Variants in PAM observed in about 807,000 individuals in gnomAD.
The protein encoded by PAM is peptidyl-glycine alpha-amidating monooxygenase.
A neutral mutation model predicts 122.1 loss-of-function variants in PAM; 72 were observed. The ratio of observed to expected loss-of-function variants is 0.59; its 90% CI spans 0.49 to 0.72. The LOEUF is 0.72. Among genes scored for constraint, PAM ranks in the 30% least tolerant of loss-of-function variants. The probability of loss-of-function intolerance (pLI) is 0.00; values close to 1 mark genes in which losing one functional copy is unlikely to be tolerated. For missense variants in PAM, 1,106 were observed against 1,183.7 expected (o/e 0.93, Z 0.96); for synonymous variants, 389 against 404.4 (o/e 0.96, Z 0.46).
Position 102,838,248 on chromosome 5 carries a change from T to C in PAM, c.-373-27575T>C, listed in dbSNP as rs116128245. 2.1e-3 allele frequency: 315 copies of C among 152,280 alleles called. 1 individual carries two copies. Among genetic ancestry groups the C allele is most frequent in the African/African-American group, 7.1e-3 (297 of 41,578 alleles). 9.4% of individuals were successfully genotyped at this position (152,280 alleles called of 1,614,324 possible). A position where few individuals can be genotyped will look rare whatever the true frequency, so the allele number is the denominator to read the frequency against. ...TCTTTTAAGTCTGCATGTGATTTCA[T>C]CATTTTTAATAATACCAATCTTAAA... On this transcript the variant is annotated intron_variant, in intron 1 of 25. Transcript: ENST00000438793.
chr5:102,849,146 G>A (rs1016042378), intron 1 of PAM, among the ~76,000 whole-genome samples: 2 of 152,098 alleles, frequency 1.3e-5, no homozygotes, highest in Non-Finnish European at 2.9e-5. Context: ...ATTCTTGGGG[G>A]AAAGGATTGT....
chr5:102,966,143 C>G (rs1021148911), intron 14 of PAM, among the ~76,000 whole-genome samples: 1 of 152,016 alleles, frequency 6.6e-6, no homozygotes, highest in Non-Finnish European at 1.5e-5. Flanking sequence ...GTTTGTATGC[C>G]TATTCACTAA....
chr5:103,017,272 C>A, intron 21 of PAM, 62 bp from the exon 22 acceptor site: 1 of 1,042,326 alleles, frequency 9.6e-7, no homozygotes, highest in Non-Finnish European at 1.5e-6. Flanking sequence ...GTTTTTCTGT[C>A]TTTTCATGAA....
chr5:102,780,829 TTCTTTCTCTGTCTTTCTC>T (rs1758717988), intron 1 of PAM, among the ~76,000 whole-genome samples: 2 of 112,986 alleles, frequency 1.8e-5, no homozygotes, highest in African/African-American at 6.6e-5. Flanking sequence ...CTTTCTTTCT[TTCTTTCTCTGTCTTTCTC>T]TCTCTCTCTC....
intron 23 of PAM, 67 bp from the exon 24 acceptor site, chr5:103,025,063 AG>A: frequency 2.9e-6 from 3 of 1,026,512 alleles, no homozygotes; most frequent in South Asian, 1.4e-5. Context: ...TTGACTGGGT[AG>A]GGGTGGGTAA....
At chr5:102,786,917 T>TTAA (rs1760703199) in intron 1 of PAM, among the ~76,000 whole-genome samples, 1 of 152,068 alleles carries the variant, frequency 6.6e-6, no homozygotes, top group South Asian at 2.1e-4. Context: ...CTGATTATAA[T>TTAA]TAATAATAAT....
intron 1 of PAM, among the ~76,000 whole-genome samples, chr5:102,862,047 G>A (rs190049254): frequency 3.5e-4 from 53 of 152,002 alleles, no homozygotes; most frequent in Non-Finnish European, 6.0e-4. Flanking sequence ...GTGTATGTCT[G>A]TAGTCCCGGC....
chr5:103,006,078 T>G (rs1195153089), intron 18 of PAM, among the ~76,000 whole-genome samples: 2 of 151,934 alleles, frequency 1.3e-5, no homozygotes, highest in Non-Finnish European at 1.5e-5. Context: ...GGGACCACAG[T>G]CACACACCAG....
intron 1 of PAM, among the ~76,000 whole-genome samples, chr5:102,786,111 C>T (rs1760454731): frequency 6.6e-6 from 1 of 152,106 alleles, no homozygotes; most frequent in African/African-American, 2.4e-5. Context: ...GTACAGTGAA[C>T]ACATTCATTT....
intron 15 of PAM, among the ~76,000 whole-genome samples, chr5:102,980,161 T>C (rs1485650972): frequency 6.6e-6 from 1 of 152,148 alleles, no homozygotes; most frequent in Admixed American, 6.5e-5. Flanking sequence ...TATCATTTGC[T>C]ATCTGAATTT....
intron 3 of PAM, among the ~76,000 whole-genome samples, chr5:102,875,866 A>G (rs1439630456): frequency 6.6e-6 from 1 of 152,220 alleles, no homozygotes; most frequent in Non-Finnish European, 1.5e-5. Flanking sequence ...GCTGATAGAA[A>G]CAATTGAATA....
At chr5:102,845,521 A>AT (rs1428091265) in intron 1 of PAM, among the ~76,000 whole-genome samples, 2 of 152,164 alleles carry the variant, frequency 1.3e-5, no homozygotes, top group African/African-American at 4.8e-5. Flanking sequence ...TAGGAAGTTT[A>AT]TTTTTTCTAC....
intron 1 of PAM, chr5:102,864,539 T>G (rs1212849552): frequency 6.6e-6 from 1 of 152,220 alleles, no homozygotes; most frequent in Non-Finnish European, 1.5e-5. Context: ...TAGAAAGCAC[T>G]TATCATGAAG....
chr5:102,836,973 A>C (rs1275850835), intron 1 of PAM, among the ~76,000 whole-genome samples: 1 of 151,770 alleles, frequency 6.6e-6, no homozygotes, highest in African/African-American at 2.4e-5. Context: ...TGAAATGATA[A>C]GAGCTAGCTG....
intron 20 of PAM, among the ~76,000 whole-genome samples, chr5:103,008,017 C>G (rs561032896): frequency 4.6e-5 from 7 of 152,060 alleles, no homozygotes; most frequent in Admixed American, 1.3e-4. Context: ...ATTCAAAATA[C>G]TCATTTCACA....
At chr5:102,958,639 A>G (rs1389903725) in intron 12 of PAM, among the ~76,000 whole-genome samples, 1 of 152,200 alleles carries the variant, frequency 6.6e-6, no homozygotes, top group Non-Finnish European at 1.5e-5. Flanking sequence ...TTCAGAGAGT[A>G]AGAAGCCAAA....
intron 4 of PAM, among the ~76,000 whole-genome samples, chr5:102,911,295 T>C (rs1801325231): frequency 6.6e-6 from 1 of 151,930 alleles, no homozygotes. Flanking sequence ...AGCATTTAAA[T>C]TAGATCTGGA....
chr5:102,803,282 AT>A (rs150642537), intron 1 of PAM, among the ~76,000 whole-genome samples: 10 of 151,662 alleles, frequency 6.6e-5, no homozygotes, highest in Non-Finnish European at 1.3e-4. Flanking sequence ...CAGACGAGGT[AT>A]TTTTTTTCCT....
chr5:102,934,355 A>G (rs1460028480), intron 7 of PAM, among the ~76,000 whole-genome samples: 3 of 152,148 alleles, frequency 2.0e-5, no homozygotes, highest in African/African-American at 4.8e-5. Flanking sequence ...AGTTCTTACC[A>G]TGATCTTTCA....
Sources: allele counts gnomAD v4.1 joint callset (sites outside exome capture counted in the v4.1 genomes callset), GRCh38; gene constraint gnomAD v4.1.1; transcripts MANE v1.5; gene names NCBI Gene and HGNC (gene_info 2026-07-23, HGNC 2026-07-21).